Variants in ARHGAP8 observed in about 807,000 individuals in gnomAD.
ARHGAP8 encodes the protein rho GTPase-activating protein 8.
ARHGAP8 carries 62 observed loss-of-function variants against 46.1 expected under a neutral mutation model. That is an observed-to-expected ratio of 1.34 (90% CI 1.10 to 1.66). ARHGAP8 has a LOEUF of 1.66. Among genes scored for constraint, ARHGAP8 ranks in the 40% most tolerant of loss-of-function variants. The pLI is 0.00. For missense variants in ARHGAP8, 923 were observed against 568.4 expected (o/e 1.62, Z -6.34); for synonymous variants, 375 against 243.1 (o/e 1.54, Z -5.05).
intron 2 of ARHGAP8, 71 bp from the exon 3 acceptor site, chr22:44,802,006 C>T: frequency 6.3e-7 from 1 of 1,594,526 alleles, no homozygotes; most frequent in Non-Finnish European, 8.6e-7. Flanking sequence ...AAGGAGGCTG[C>T]TTTTTGCTAA....
rs771007520 is a variant in ARHGAP8 at position 44,862,330 on chromosome 22, T to TC, written c.1038dup (p.Gly347ArgfsTer25). The TC allele has an allele frequency of 8.0e-5, 129 of 1,613,902 alleles. No homozygotes were observed. In the African/African-American group the frequency reaches 1.6e-3, roughly 20 times the overall value. ...AACAGCTCTAACCTGGCCTGTGTCT[T>TC]CGGGCTGAATTTGATCTGGCCATCC... On this transcript the variant is annotated frameshift_variant, in exon 12 of 12. Coordinates refer to ENST00000356099, the MANE Select transcript of ARHGAP8 (RefSeq NM_181335.3). LOFTEE classifies it low-confidence loss of function (END_TRUNC).
chr22:44,766,580 G>A (rs1357576499), intron 1 of ARHGAP8, among the ~76,000 whole-genome samples: 1 of 152,124 alleles, frequency 6.6e-6, no homozygotes, highest in Non-Finnish European at 1.5e-5. Flanking sequence ...GCATGTATGT[G>A]CATGTGTGTC....
intron 2 of ARHGAP8, among the ~76,000 whole-genome samples, chr22:44,795,196 T>C (rs1927993657): frequency 6.6e-6 from 1 of 151,842 alleles, no homozygotes; most frequent in Non-Finnish European, 1.5e-5. Flanking sequence ...AAACAGTAGG[T>C]GTTTAATAAG....
At chr22:44,807,514 G>C (rs2147090639) in intron 3 of ARHGAP8, among the ~76,000 whole-genome samples, 1 of 152,316 alleles carries the variant, frequency 6.6e-6, no homozygotes, top group East Asian at 1.9e-4. Context: ...TAGAAATGCA[G>C]CAGGCAGCCG....
Position 44,846,525 on chromosome 22 carries a change from C to T in ARHGAP8, c.670+1183C>T, listed in dbSNP as rs1039592611. Among the ~76,000 whole-genome samples, 32 of 152,332 alleles carry T rather than the reference C, an allele frequency of 2.1e-4. 2 individuals carry two copies. The highest frequency in any genetic ancestry group is 9.8e-4 in the Admixed American group (15 of 15,308). ...GCGGCCCCAGCATTTCCCTCAGTCA[C>T]GATGCTCAGCTGGCAGGTGAGCAGG... On this transcript the variant is annotated intron_variant, in intron 8 of 11. Transcript: ENST00000356099.
intron 2 of ARHGAP8, among the ~76,000 whole-genome samples, chr22:44,788,212 G>A (rs571001400): frequency 2.6e-5 from 4 of 151,982 alleles, no homozygotes; most frequent in East Asian, 1.9e-4. Context: ...TCCACCTCCC[G>A]TGTTCAAGTG....
At chr22:44,796,937 G>A (rs934091849) in intron 2 of ARHGAP8, among the ~76,000 whole-genome samples, 5 of 152,332 alleles carry the variant, frequency 3.3e-5, no homozygotes, top group African/African-American at 7.2e-5. Context: ...GGTGGTCTAA[G>A]CCCAGATACA....
intron 10 of ARHGAP8, among the ~76,000 whole-genome samples, chr22:44,858,602 C>G (rs1287159615): frequency 2.1e-5 from 3 of 145,118 alleles, no homozygotes; most frequent in East Asian, 2.1e-4. Context: ...CACTCCTGAC[C>G]TCAAGTGATG....
chr22:44,784,985 G>C (rs1423492442), intron 1 of ARHGAP8, among the ~76,000 whole-genome samples: 1 of 152,166 alleles, frequency 6.6e-6, no homozygotes, highest in African/African-American at 2.4e-5. Context: ...TTCCTGCACA[G>C]AGTGGTGCTG....
chr22:44,861,310 T>C (rs1193745878), intron 11 of ARHGAP8, among the ~76,000 whole-genome samples: 2 of 152,204 alleles, frequency 1.3e-5, no homozygotes. Flanking sequence ...TTTCTCTCTC[T>C]AGCCGCCACC....
chr22:44,837,799 C>T (rs958787333), intron 7 of ARHGAP8, among the ~76,000 whole-genome samples: 3 of 152,090 alleles, frequency 2.0e-5, no homozygotes, highest in Non-Finnish European at 4.4e-5. Flanking sequence ...CTGTGAGAGC[C>T]TCAGAGTAGA....
At chr22:44,832,828 T>G (rs1035692858) in intron 7 of ARHGAP8, among the ~76,000 whole-genome samples, 2 of 152,188 alleles carry the variant, frequency 1.3e-5, no homozygotes, top group African/African-American at 4.8e-5. Flanking sequence ...ACTCCTGATC[T>G]TAAGAATCAG....
chr22:44,832,228 T>C (rs1008591698), intron 7 of ARHGAP8, among the ~76,000 whole-genome samples: 2 of 150,202 alleles, frequency 1.3e-5, no homozygotes, highest in African/African-American at 4.9e-5. Context: ...TGTAATTTTT[T>C]TTTTTTTTTT....
intron 2 of ARHGAP8, among the ~76,000 whole-genome samples, chr22:44,796,318 C>A (rs189541234): frequency 6.6e-6 from 1 of 152,164 alleles, no homozygotes; most frequent in Non-Finnish European, 1.5e-5. Flanking sequence ...GAGGCCCCCA[C>A]AGTTTGCTCC....
intron 10 of ARHGAP8, among the ~76,000 whole-genome samples, chr22:44,852,594 C>G (rs918567113): frequency 2.0e-5 from 3 of 152,140 alleles, no homozygotes; most frequent in African/African-American, 7.2e-5. Flanking sequence ...GGTAGATTGT[C>G]TCATGTTGCA....
chr22:44,859,107 T>TTCGGCTTTAGCAG (rs1248463135), intron 10 of ARHGAP8, among the ~76,000 whole-genome samples: 2 of 152,182 alleles, frequency 1.3e-5, no homozygotes, highest in Non-Finnish European at 2.9e-5. Context: ...TATAAAGTGA[T>TTCGGCTTTAGCAG]TCGGCTTTAG....
At chr22:44,790,572 A>G (rs907320216) in intron 2 of ARHGAP8, among the ~76,000 whole-genome samples, 1 of 146,654 alleles carries the variant, frequency 6.8e-6, no homozygotes, top group Non-Finnish European at 1.5e-5. Flanking sequence ...GCTACTTGGG[A>G]GGCTGAAACA....
intron 4 of ARHGAP8, among the ~76,000 whole-genome samples, chr22:44,811,333 C>A (rs979457947): frequency 1.3e-5 from 2 of 152,240 alleles, no homozygotes; most frequent in Admixed American, 6.5e-5. Context: ...GGAAGGAGGC[C>A]GGCCTCGTGG....
At chr22:44,777,903 C>T (rs1274838678) in intron 1 of ARHGAP8, among the ~76,000 whole-genome samples, 2 of 152,074 alleles carry the variant, frequency 1.3e-5, no homozygotes, top group Non-Finnish European at 2.9e-5. Context: ...ACCATGTTGG[C>T]TAGTCTGTTC....
Sources: gnomAD v4.1 joint callset for allele counts (sites outside exome capture counted in the v4.1 genomes callset) on GRCh38, gnomAD v4.1.1 for gene constraint, MANE v1.5 for transcripts, NCBI Gene and HGNC (gene_info 2026-07-23, HGNC 2026-07-21) for gene names.